The following GRID2 variants were observed in gnomAD, a reference collection of about 807,000 sequenced individuals.
The protein encoded by GRID2 is glutamate receptor ionotropic, delta-2.
Under a neutral mutation model 114.8 loss-of-function variants are expected in GRID2, and 33 were observed. That is an observed-to-expected ratio of 0.29 (90% CI 0.22 to 0.38). GRID2 has a LOEUF of 0.38. GRID2 is among the 10% of genes least tolerant of loss of function. The pLI, the probability that GRID2 is intolerant of heterozygous loss-of-function variation, is 1.00. For synonymous variants in GRID2, 505 were observed against 449.9 expected (o/e 1.12, Z -1.55); for missense variants, 1,184 against 1,257.7 (o/e 0.94, Z 0.89).
At chr4:92,755,153 T>C (rs961766595) in intron 2 of GRID2, among the ~76,000 whole-genome samples, 2 of 152,186 alleles carry the variant, frequency 1.3e-5, no homozygotes, top group Non-Finnish European at 2.9e-5. Context: ...AATATGGGCA[T>C]CAGACTGGCT....
intron 2 of GRID2, among the ~76,000 whole-genome samples, chr4:92,816,318 C>CAAAAAAAAAAAAAAAAA (rs764487348): frequency 2.1e-5 from 1 of 48,254 alleles, no homozygotes; most frequent in African/African-American, 8.0e-5. Flanking sequence ...TCTGTCTCAC[C>CAAAAAAAAAAAAAAAAA]AAAAAAAAAA....
At chr4:93,254,841 G>T (rs906636774) in intron 8 of GRID2, among the ~76,000 whole-genome samples, 1 of 151,996 alleles carries the variant, frequency 6.6e-6, no homozygotes, top group Non-Finnish European at 1.5e-5. Context: ...AATTATTCTT[G>T]GGACAAACAA....
intron 1 of GRID2, among the ~76,000 whole-genome samples, chr4:92,456,218 T>A (rs1193191288): frequency 6.6e-6 from 1 of 152,036 alleles, no homozygotes; most frequent in African/African-American, 2.4e-5. Context: ...TTATAAATAA[T>A]GTAAAATAAA....
intron 2 of GRID2, among the ~76,000 whole-genome samples, chr4:92,994,562 G>T (rs1217245289): frequency 6.6e-6 from 1 of 152,060 alleles, no homozygotes; most frequent in African/African-American, 2.4e-5. Flanking sequence ...GGTCTCAAGT[G>T]ATCTGCCTGC....
chr4:92,604,190 A>G (rs766038004), intron 2 of GRID2, among the ~76,000 whole-genome samples: 1 of 152,230 alleles, frequency 6.6e-6, no homozygotes, highest in Non-Finnish European at 1.5e-5. Flanking sequence ...ATTACTGGGT[A>G]TATACCCAAA....
In GRID2 at chr4:92,526,466, C is replaced by T. The variant is rs1046684460; in HGVS notation, c.89-63665C>T. On this transcript the variant is annotated intron_variant, in intron 1 of 15. Transcript: ENST00000282020. ...TCAAGGGATTCACCTGCCTCAGTCT[C>T]CCAAGTAGCTGGGATTATAGGTGCC... 2.6e-5 allele frequency among the ~76,000 whole-genome samples: 4 copies of T among 152,040 alleles called. No homozygotes were observed. The East Asian group carries it at 7.8e-4, about 30-fold the overall frequency.
At chr4:93,026,800 A>G (rs1723922712) in intron 2 of GRID2, among the ~76,000 whole-genome samples, 1 of 152,036 alleles carries the variant, frequency 6.6e-6, no homozygotes, top group Non-Finnish European at 1.5e-5. Context: ...CTAAGAACAA[A>G]TGAAATGCAA....
At chr4:93,523,322 A>G (rs535490824) in intron 13 of GRID2, among the ~76,000 whole-genome samples, 1 of 152,142 alleles carries the variant, frequency 6.6e-6, no homozygotes, top group East Asian at 1.9e-4. Context: ...TTTGCTTGGG[A>G]CAGTCTCGAT....
chr4:93,526,024 G>A (rs1399325098), intron 13 of GRID2, among the ~76,000 whole-genome samples: 1 of 152,006 alleles, frequency 6.6e-6, no homozygotes, highest in East Asian at 1.9e-4. Flanking sequence ...TTTCTGTTGG[G>A]TAAATACCAA....
At chr4:92,712,805 A>T (rs964379312) in intron 2 of GRID2, among the ~76,000 whole-genome samples, 1 of 152,070 alleles carries the variant, frequency 6.6e-6, no homozygotes, top group African/African-American at 2.4e-5. Flanking sequence ...ATACAAATAG[A>T]TTATTTAGCT....
At chr4:93,140,160 CTTTTT>C (rs10684978) in intron 4 of GRID2, among the ~76,000 whole-genome samples, 1 of 128,266 alleles carries the variant, frequency 7.8e-6, no homozygotes, top group African/African-American at 3.0e-5. Flanking sequence ...CTTTTCTTTT[CTTTTT>C]TTTTTTTTTT....
At position 92,406,868 on chromosome 4, in the gene GRID2, G is replaced by A. The variant is rs140258689; in HGVS notation, c.88+102124G>A. On this transcript the variant is annotated intron_variant, in intron 1 of 15. Transcript: ENST00000282020. The stretch of plus-strand genomic sequence containing the variant: ...GGCCCTCAGCTACATCCATGTTGCT[G>A]CAAAGGGCATGATTTTGTTCTTTCT... Among the ~76,000 whole-genome samples the A allele has an allele frequency of 4.0e-3, 610 of 152,010 alleles. 8 individuals are homozygous for A. The highest frequency in any genetic ancestry group is 0.014 in the African/African-American group (573 of 41,454).
At chr4:92,889,211 T>A in intron 2 of GRID2, among the ~76,000 whole-genome samples, 1 of 152,144 alleles carries the variant, frequency 6.6e-6, no homozygotes, top group East Asian at 1.9e-4. Flanking sequence ...AAACTTCTAT[T>A]ACGTGAATCT....
chr4:92,472,343 G>C (rs1326098626), intron 1 of GRID2, among the ~76,000 whole-genome samples: 2 of 152,140 alleles, frequency 1.3e-5, no homozygotes, highest in Admixed American at 6.6e-5. Context: ...TTGATGGACA[G>C]TTGTGTTGTT....
intron 2 of GRID2, among the ~76,000 whole-genome samples, chr4:92,885,444 T>C (rs1228930411): frequency 6.6e-6 from 1 of 152,226 alleles, no homozygotes; most frequent in Non-Finnish European, 1.5e-5. Context: ...GTGTCTGGAT[T>C]TGAAATTAAC....
chr4:93,031,841 G>A (rs948673209), intron 2 of GRID2, among the ~76,000 whole-genome samples: 1 of 151,924 alleles, frequency 6.6e-6, no homozygotes, highest in Non-Finnish European at 1.5e-5. Context: ...ACCAACTTTG[G>A]GGAAGATAGT....
chr4:93,785,211 G>A (rs1017467370), intron 1 of GRID2, among the ~76,000 whole-genome samples: 6 of 152,166 alleles, frequency 3.9e-5, no homozygotes, highest in East Asian at 1.9e-4. Flanking sequence ...TTTGAGTTTC[G>A]TACCTTTTAC....
intron 14 of GRID2, among the ~76,000 whole-genome samples, chr4:93,654,375 T>C (rs1337017343): frequency 6.6e-6 from 1 of 152,102 alleles, no homozygotes; most frequent in Non-Finnish European, 1.5e-5. Flanking sequence ...CAGGGCCGAG[T>C]TCTGATGCTG....
chr4:93,805,651 C>T (rs72659546), intron 1 of GRID2, among the ~76,000 whole-genome samples: 15,267 of 152,236 alleles, frequency 0.1, 890 homozygotes, highest in South Asian at 0.2. Context: ...TCACACTGAT[C>T]CCTTCTGATG....
Sources: gnomAD v4.1 joint callset for allele counts (sites outside exome capture counted in the v4.1 genomes callset) on GRCh38, gnomAD v4.1.1 for gene constraint, MANE v1.5 for transcripts, NCBI Gene and HGNC (gene_info 2026-07-23, HGNC 2026-07-21) for gene names.